EMG1: variants seen among roughly 807,000 people sequenced by gnomAD.
EMG1 encodes EMG1 N1-specific pseudouridine methyltransferase, also known as ribosomal RNA small subunit methyltransferase NEP1.
Under a neutral mutation model 26.9 loss-of-function variants are expected in EMG1, and 24 were observed. The observed-to-expected ratio is 0.89, with a 90% confidence interval of 0.65 to 1.26. The LOEUF is 1.26. EMG1 is among the 50% of genes most tolerant of loss of function. The pLI is 0.00. For missense variants in EMG1, 299 were observed against 307.6 expected (o/e 0.97, Z 0.21); for synonymous variants, 140 against 112.6 (o/e 1.24, Z -1.54).
downstream of EMG1, among the ~76,000 whole-genome samples, chr12:6,984,171 G>T (rs369064061): frequency 2.0e-5 from 3 of 152,196 alleles, no homozygotes; most frequent in Non-Finnish European, 2.9e-5. Context: ...ACTCCTCACA[G>T]TCTGTAATCT....
chr12:6,972,952 C>T (rs1242806733), intron 1 of EMG1, among the ~76,000 whole-genome samples: 1 of 151,920 alleles, frequency 6.6e-6, no homozygotes, highest in African/African-American at 2.4e-5. Context: ...GTCCTCCCAC[C>T]TCATCCTCCT....
At chr12:6,980,924 G>A, downstream of EMG1, 4 of 1,392,660 alleles carry the variant, frequency 2.9e-6, no homozygotes, top group Non-Finnish European at 1.9e-6. Context: ...GGGTCATGCT[G>A]GAGAATGCAG....
chr12:6,995,529 TG>T (rs1305242128), intron 7 of EMG1, among the ~76,000 whole-genome samples: 8 of 152,040 alleles, frequency 5.3e-5, no homozygotes, highest in Non-Finnish European at 1.2e-4. Flanking sequence ...TATCTAGTCA[TG>T]AAATCCTGTT....
chr12:6,990,129 G>A (rs782473613), downstream of EMG1, among the ~76,000 whole-genome samples: 1 of 151,660 alleles, frequency 6.6e-6, no homozygotes, highest in East Asian at 1.9e-4. Context: ...AATGAGCTAC[G>A]ATGATGCCAC....
intron 1 of EMG1, among the ~76,000 whole-genome samples, chr12:6,971,612 A>T (rs1305210922): frequency 6.6e-5 from 10 of 152,126 alleles, no homozygotes; most frequent in African/African-American, 2.4e-4. Context: ...TTTGAATGAT[A>T]TTCTAGCCCT....
chr12:6,988,048 T>C (rs1467969556), intron 7 of EMG1: 4 of 375,542 alleles, frequency 1.1e-5, no homozygotes, highest in African/African-American at 2.1e-5. Flanking sequence ...ATTTTAAAGG[T>C]GTAAAAAAAA....
downstream of EMG1, chr12:6,982,810 T>G: frequency 6.8e-7 from 1 of 1,476,934 alleles, no homozygotes; most frequent in Non-Finnish European, 9.5e-7. Context: ...GAATTTAGCC[T>G]GGTTTTTACA....
At chr12:6,993,264 CCT>C in intron 7 of EMG1, among the ~76,000 whole-genome samples, 1 of 152,064 alleles carries the variant, frequency 6.6e-6, no homozygotes, top group East Asian at 1.9e-4. Context: ...ATGGTGAAAC[CCT>C]GTCTCTACTA....
Position 6,975,119 on chromosome 12 carries a change from G to A in EMG1, c.442G>A (p.Ala148Thr). The part of the protein sequence containing the change: ...VQLLHKLSVR[A>T]ADGPQKLLKV... ...ACTTTTACACAAGCTCAGTGTTCGA[G>A]CAGCTGATGGCCCCCAGAAGCTTTT... The change falls in exon 4 of 6, where the codon GCA becomes ACA. Residue 148 changes from alanine (A) to threonine (T), a missense_variant. Physicochemically the swap from Ala to Thr is moderately conservative, Grantham distance 58. Coordinates refer to ENST00000599672, the MANE Select transcript of EMG1 (RefSeq NM_006331.8). The A allele has an allele frequency of 6.2e-7, 1 of 1,614,014 alleles. No homozygotes were observed. The highest frequency in any genetic ancestry group is 8.5e-7 in the Non-Finnish European group (1 of 1,179,898).
Position 6,987,816 on chromosome 12 carries a change from T to C in EMG1, c.*189T>C. 2 of 400,796 alleles carry C rather than the reference T, an allele frequency of 5.0e-6. No individual in the cohort carries two copies. Among genetic ancestry groups the C allele is most frequent in the Non-Finnish European group, 4.4e-6 (1 of 226,242 alleles). The allele number at this position is 400,796 out of a possible 1,614,324, so 24.8% of individuals were successfully genotyped here. On this transcript the variant is annotated 3_prime_UTR_variant and NMD_transcript_variant, in exon 7 of 8. Coordinates refer to the EMG1 transcript ENST00000261406. This position sits in a 1 kb window ranked among gnomAD's most constrained non-coding sequence, Gnocchi z 4.1. ...TCGTATCTATTCCAGAGTAAAGTCATGATGGCTTTATGACGTTCTGAGGTA... is the reference window on the plus strand; with the variant it reads ...TCGTATCTATTCCAGAGTAAAGTCACGATGGCTTTATGACGTTCTGAGGTA...
downstream of EMG1, chr12:6,982,675 CCATCTGGAAG>C: frequency 6.2e-7 from 1 of 1,607,732 alleles, no homozygotes; most frequent in Non-Finnish European, 8.5e-7. Context: ...AAGACGTTTA[CCATCTGGAAG>C]CAAAAGGTAG....
rs782493737 is a variant in EMG1 at position 6,975,233 on chromosome 12, T to C, written c.476T>C (p.Ile159Thr). Residue 159 changes from isoleucine (I) to threonine (T), a missense_variant, in exon 5 of 6, where the codon ATT becomes ACT. Ile to Thr is a moderately conservative substitution (Grantham distance 89). Transcript: ENST00000599672. ...ADGPQKLLKV[I>T]KNPVSDHFPV... Reference sequence around the variant, plus strand: ...TTTCTCTCTTTTTTACTTTAGGTAATTAAGAATCCAGTATCAGATCACTTT... The same window carrying C: ...TTTCTCTCTTTTTTACTTTAGGTAACTAAGAATCCAGTATCAGATCACTTT... 3.7e-6 allele frequency: 6 copies of C among 1,613,956 alleles called. No individual in the cohort carries two copies. The highest frequency in any genetic ancestry group is 1.7e-5 in the Admixed American group (1 of 60,014).
Position 6,978,096 on chromosome 12 carries a change from A to G in EMG1, c.*2287A>G, listed in dbSNP as rs1478676524. ...ACAGGGCAGTGGAGGACATAAGTCC[A>G]TTGGCAGAGCTGGAGTAACACCCAG... On this transcript the variant is annotated 3_prime_UTR_variant, in exon 6 of 6. Coordinates refer to ENST00000599672, the MANE Select transcript of EMG1 (RefSeq NM_006331.8). 1 of 561,648 alleles carries G rather than the reference A, an allele frequency of 1.8e-6. No individual in the cohort carries two copies. Among genetic ancestry groups the G allele is most frequent in the African/African-American group, 1.9e-5 (1 of 52,920 alleles). 34.8% of individuals were successfully genotyped at this position (561,648 alleles called of 1,614,324 possible).
At position 6,977,084 on chromosome 12, in the gene EMG1, G is replaced by T; in HGVS notation, c.*1275G>T. The T allele has an allele frequency of 2.7e-6, 3 of 1,126,946 alleles. No individual in the cohort carries two copies. Among genetic ancestry groups the T allele is most frequent in the Non-Finnish European group, 4.0e-6 (3 of 741,048 alleles). 69.8% of individuals were successfully genotyped at this position (1,126,946 alleles called of 1,614,324 possible). On this transcript the variant is annotated 3_prime_UTR_variant, in exon 6 of 6. Coordinates refer to ENST00000599672, the MANE Select transcript of EMG1 (RefSeq NM_006331.8). The surrounding 1 kb of genome is among the most constrained non-coding windows in gnomAD (Gnocchi z 4.5). ...TACTATTGTTTTTTTCCAGTCTGTT[G>T]CTCTATTCTGTAACCTGGTGGTAGT...
At position 6,987,374 on chromosome 12, in the gene EMG1, T is replaced by G. The variant is rs1360629352; in HGVS notation, c.*155-408T>G. ...CTGAGATGATGGGATATAGGATCAC[T>G]AGCTCTAGGGAGGTGGAGACATCTA... On this transcript the variant is annotated intron_variant and NMD_transcript_variant, in intron 6 of 7. Transcript: ENST00000261406. The surrounding 1 kb of genome is among the most constrained non-coding windows in gnomAD (Gnocchi z 4.1). Among the ~76,000 whole-genome samples, 1 of 152,220 alleles carries G rather than the reference T, an allele frequency of 6.6e-6. No individual in the cohort carries two copies. The highest frequency in any genetic ancestry group is 2.4e-5 in the African/African-American group (1 of 41,452).
chr12:6,989,118 A>G (rs1374411559), downstream of EMG1, among the ~76,000 whole-genome samples: 1 of 151,196 alleles, frequency 6.6e-6, no homozygotes, highest in African/African-American at 2.4e-5. Context: ...GCGAAACTCC[A>G]TCTCAAAAAA....
Position 6,978,813 on chromosome 12 carries a change from C to T in EMG1, c.*3004C>T. ...CTGCCTGAGTCCTGCTGCCAGATGC[C>T]CTCAATAGTCTGGCCTGATTGCCTT... On this transcript the variant is annotated 3_prime_UTR_variant, in exon 6 of 6. Transcript: ENST00000599672. 1 of 1,391,136 alleles carries T rather than the reference C, an allele frequency of 7.2e-7. No homozygotes were observed. Among genetic ancestry groups the T allele is most frequent in the African/African-American group, 1.4e-5 (1 of 69,256 alleles). The allele number at this position is 1,391,136 out of a possible 1,614,324, so 86.2% of individuals were successfully genotyped here.
At chr12:6,981,056 T>C (rs1555153994), downstream of EMG1, 8 of 1,612,540 alleles carry the variant, frequency 5.0e-6, no homozygotes, top group Non-Finnish European at 6.8e-6. Context: ...ACCAGCTTCA[T>C]GTAGTGATTC....
At chr12:6,971,296 C>CG (rs1555152238) in intron 1 of EMG1, among the ~76,000 whole-genome samples, 1 of 139,180 alleles carries the variant, frequency 7.2e-6, no homozygotes, top group Non-Finnish European at 1.5e-5. Context: ...TTTTTTGAGA[C>CG]GGAGTCTCGC....
Sources: gnomAD v4.1 joint callset for allele counts (sites outside exome capture counted in the v4.1 genomes callset) on GRCh38, gnomAD v4.1.1 for gene constraint, Gnocchi (gnomAD v3.1) non-coding constraint, MANE v1.5 for transcripts, NCBI Gene and HGNC (gene_info 2026-07-23, HGNC 2026-07-21) for gene names.